The following PMF1 variants were observed in gnomAD, a reference collection of about 807,000 sequenced individuals.
PMF1 encodes polyamine modulated factor 1.
PMF1 carries 21 observed loss-of-function variants against 26.7 expected under a neutral mutation model. The observed-to-expected ratio is 0.79, with a 90% CI of 0.56 to 1.13. The LOEUF (loss-of-function observed/expected upper bound fraction) is 1.13. Ranked by LOEUF, PMF1 falls within the 50% of genes most tolerant of loss-of-function variation. The pLI is 0.00. For missense variants in PMF1, 266 were observed against 254.9 expected (o/e 1.04, Z -0.30); for synonymous variants, 105 against 101.0 (o/e 1.04, Z -0.24).
At chr1:156,231,620 T>C (rs1201456641) in intron 1 of PMF1, among the ~76,000 whole-genome samples, 1 of 150,312 alleles carries the variant, frequency 6.7e-6, no homozygotes, top group African/African-American at 2.5e-5. Flanking sequence ...GGAGAATCGC[T>C]TGAACCCAGG....
In PMF1 at chr1:156,233,643, A is replaced by G. The variant is rs762578734; in HGVS notation, c.283A>G (p.Ile95Val). 6.2e-7 allele frequency: 1 copy of G among 1,614,010 alleles called. No individual in the cohort carries two copies. Among genetic ancestry groups the G allele is most frequent in the Non-Finnish European group, 8.5e-7 (1 of 1,179,934 alleles). The change falls in exon 3 of 5, where the codon ATC (isoleucine) becomes GTC (valine). Residue 95 changes from isoleucine (I) to valine (V), a missense_variant. Transcript: ENST00000368277. ...TTCTCTTCAGGAGGAAATCTCTGAC[A>G]TCAAAGAGGAGGGGAACCTAGAAGC... is the stretch of plus-strand genomic sequence containing the variant. The part of the protein sequence containing the change: ...QTSIREEISD[I>V]KEEGNLEAVL...
Position 156,239,768 on chromosome 1 carries a change from G to A in PMF1, c.*167G>A. 1.7e-6 allele frequency: 1 copy of A among 605,314 alleles called. No individual in the cohort carries two copies. The highest frequency in any genetic ancestry group is 2.9e-5 in the Admixed American group (1 of 34,378). The allele number at this position is 605,314 out of a possible 1,614,324, so 37.5% of individuals were successfully genotyped here. ...GGCCAGAGCAAGCCTCACTGCCACT[G>A]TGCCTTTGGGGCACCCTTGGGGTTG... is the stretch of plus-strand genomic sequence containing the variant. On this transcript the variant is annotated 3_prime_UTR_variant, in exon 5 of 5. Transcript: ENST00000368277.
chr1:156,235,576 G>A (rs1281107111), intron 3 of PMF1, among the ~76,000 whole-genome samples: 40 of 150,636 alleles, frequency 2.7e-4, no homozygotes, highest in Non-Finnish European at 1.5e-5. Flanking sequence ...CAAGTAGCTG[G>A]GACTACAGGC....
At chr1:156,227,096 G>A (rs996226922) in intron 1 of PMF1, among the ~76,000 whole-genome samples, 2 of 152,220 alleles carry the variant, frequency 1.3e-5, no homozygotes, top group Non-Finnish European at 2.9e-5. Flanking sequence ...TGACATGGTT[G>A]TGGGCACCCT....
intron 2 of PMF1, among the ~76,000 whole-genome samples, chr1:156,232,754 G>A (rs1658788264): frequency 6.6e-6 from 1 of 151,620 alleles, no homozygotes; most frequent in Admixed American, 6.6e-5. Flanking sequence ...TGAGTACAGC[G>A]GCATAATCAC....
At chr1:156,215,423 G>A (rs889824287) in intron 1 of PMF1, among the ~76,000 whole-genome samples, 1 of 152,020 alleles carries the variant, frequency 6.6e-6, no homozygotes, top group South Asian at 2.1e-4. Context: ...ATCATGGCAC[G>A]TCATCATCAT....
At chr1:156,228,934 A>C (rs1275988495) in intron 1 of PMF1, among the ~76,000 whole-genome samples, 39 of 152,182 alleles carry the variant, frequency 2.6e-4, no homozygotes, top group Non-Finnish European at 4.4e-5. Context: ...TTTGAGACGG[A>C]GTCTTGCTGT....
chr1:156,235,668 C>G (rs984921618), intron 3 of PMF1, among the ~76,000 whole-genome samples: 2 of 151,448 alleles, frequency 1.3e-5, no homozygotes, highest in African/African-American at 4.9e-5. Flanking sequence ...CTCTCGATCT[C>G]CTGACCTCGT....
chr1:156,235,472 C>T (rs767226884), intron 3 of PMF1, among the ~76,000 whole-genome samples: 9 of 120,908 alleles, frequency 7.4e-5, no homozygotes, highest in Non-Finnish European at 1.5e-4. Flanking sequence ...GACAGAGTCT[C>T]GCTCTGTCTC....
chr1:156,234,278 G>A (rs1658880134), intron 3 of PMF1, among the ~76,000 whole-genome samples: 2 of 150,478 alleles, frequency 1.3e-5, no homozygotes, highest in Non-Finnish European at 3.0e-5. Context: ...ATTAGGGAGG[G>A]AAGTAGTTTG....
chr1:156,229,818 C>T lies in PMF1; in HGVS notation c.162-2502C>T, dbSNP rs985935528. Among the ~76,000 whole-genome samples the T allele has an allele frequency of 5.3e-5, 8 of 152,154 alleles. 1 individual carries two copies. The highest frequency in any genetic ancestry group is 2.4e-5 in the African/African-American group (1 of 41,426). ...GAACTCCCAACGTCAGGTGATCCACCGGTCTCTGCCTCCCAAAGTGCTGAG... is the reference window on the plus strand; with the variant it reads ...GAACTCCCAACGTCAGGTGATCCACTGGTCTCTGCCTCCCAAAGTGCTGAG... On this transcript the variant is annotated intron_variant, in intron 1 of 4. Coordinates refer to ENST00000368277, the MANE Select transcript of PMF1 (RefSeq NM_007221.4).
rs1256963698 is a variant in PMF1, at chr1:156,225,579, G to A, written c.162-6741G>A. 2 of 1,556,790 alleles carry A rather than the reference G, an allele frequency of 1.3e-6. No homozygotes were observed. Among genetic ancestry groups the A allele is most frequent in the East Asian group, 4.8e-5 (2 of 41,778 alleles). ...CAGCTCTCCACTCCTTCATTGGGAC[G>A]GAAGTGCTGGTCCCCGCCTGCCCTC... On this transcript the variant is annotated intron_variant, in intron 1 of 4. Transcript: ENST00000368277.
At chr1:156,218,564 G>A (rs887683352) in intron 1 of PMF1, among the ~76,000 whole-genome samples, 2 of 152,034 alleles carry the variant, frequency 1.3e-5, no homozygotes, top group South Asian at 2.1e-4. Flanking sequence ...GGCAGATCAC[G>A]AGGTCAAGAG....
At chr1:156,235,383 C>T (rs1349042470) in intron 3 of PMF1, among the ~76,000 whole-genome samples, 1 of 151,466 alleles carries the variant, frequency 6.6e-6, no homozygotes, top group Admixed American at 6.6e-5. Flanking sequence ...CTTGGCCTCC[C>T]AAAGTGCTGA....
At chr1:156,225,911 G>A (rs1202352388) in intron 1 of PMF1, among the ~76,000 whole-genome samples, 4 of 151,434 alleles carry the variant, frequency 2.6e-5, no homozygotes, top group African/African-American at 9.7e-5. Flanking sequence ...CTGGAGTGCA[G>A]TAGCACGATC....
intron 2 of PMF1, 84 bp from the exon 3 acceptor site, chr1:156,233,544 T>C (rs893215935): frequency 1.4e-6 from 2 of 1,406,574 alleles, no homozygotes; most frequent in Non-Finnish European, 2.0e-6. Flanking sequence ...AGCCAAAATC[T>C]TACCAAGTGC....
intron 3 of PMF1, 128 bp downstream of exon 3, chr1:156,233,856 T>C: frequency 1.2e-6 from 1 of 804,892 alleles, no homozygotes; most frequent in Non-Finnish European, 1.9e-6. Flanking sequence ...CCTTAAGCTG[T>C]CCTCCCACCT....
intron 1 of PMF1, among the ~76,000 whole-genome samples, chr1:156,213,928 T>G (rs1003308704): frequency 3.3e-5 from 5 of 151,740 alleles, no homozygotes; most frequent in Admixed American, 6.6e-5. Context: ...TATTTTTATT[T>G]TTTGAGACGG....
chr1:156,229,610 G>T (rs1189741622), intron 1 of PMF1, among the ~76,000 whole-genome samples: 1 of 149,914 alleles, frequency 6.7e-6, no homozygotes, highest in Non-Finnish European at 1.5e-5. Context: ...CGCTCTTGTT[G>T]CCCAGGCTGG....
Sources: gnomAD v4.1 joint callset for allele counts (sites outside exome capture counted in the v4.1 genomes callset) on GRCh38, gnomAD v4.1.1 for gene constraint, MANE v1.5 for transcripts, NCBI Gene and HGNC (gene_info 2026-07-23, HGNC 2026-07-21) for gene names.